CALCR: variants seen among roughly 807,000 people sequenced by gnomAD.
CALCR encodes calcitonin receptor.
Under a neutral mutation model 59.5 loss-of-function variants are expected in CALCR, and 47 were observed. The observed-to-expected ratio is 0.79, with a 90% confidence interval of 0.63 to 1.01. The LOEUF (loss-of-function observed/expected upper bound fraction) is 1.01. Among genes scored for constraint, CALCR ranks in the 50% least tolerant of loss-of-function variants. The probability of loss-of-function intolerance (pLI) is 0.00; values close to 1 mark genes in which losing one functional copy is unlikely to be tolerated. For missense variants in CALCR, 566 were observed against 597.1 expected (o/e 0.95, Z 0.54); for synonymous variants, 213 against 211.3 (o/e 1.01, Z -0.07).
chr7:93,500,374 T>C (rs17165500), intron 2 of CALCR, among the ~76,000 whole-genome samples: 19,218 of 151,884 alleles, frequency 0.13, 2,642 homozygotes, highest in African/African-American at 0.33. Context: ...GTGCTTAGAC[T>C]TGAATAAAAT....
At chr7:93,526,093 A>G (rs1801871437) in intron 2 of CALCR, among the ~76,000 whole-genome samples, 1 of 152,196 alleles carries the variant, frequency 6.6e-6, no homozygotes, top group South Asian at 2.1e-4. Flanking sequence ...TAGGAAGTCA[A>G]CATAAAGATT....
At chr7:93,484,614 T>C (rs1464382905) in intron 3 of CALCR, among the ~76,000 whole-genome samples, 1 of 151,814 alleles carries the variant, frequency 6.6e-6, no homozygotes, top group Non-Finnish European at 1.5e-5. Context: ...TTAGCCCTGG[T>C]TTTCCCAGGT....
intron 2 of CALCR, among the ~76,000 whole-genome samples, chr7:93,505,926 TA>T (rs910693553): frequency 2.6e-5 from 4 of 152,110 alleles, no homozygotes; most frequent in South Asian, 2.1e-4. Flanking sequence ...ATAATAAGAT[TA>T]GGGGCCCCAC....
intron 2 of CALCR, among the ~76,000 whole-genome samples, chr7:93,525,536 G>C (rs905847598): frequency 6.6e-6 from 1 of 152,160 alleles, no homozygotes; most frequent in Non-Finnish European, 1.5e-5. Flanking sequence ...CAGCAAAGGG[G>C]CCTTGAACTC....
intron 2 of CALCR, among the ~76,000 whole-genome samples, chr7:93,545,042 T>G (rs2116202305): frequency 6.6e-6 from 1 of 152,126 alleles, no homozygotes; most frequent in South Asian, 2.1e-4. Context: ...CTGCTTGGAC[T>G]TTTTCGTTAG....
At chr7:93,558,632 CT>C (rs944395980) in intron 2 of CALCR, among the ~76,000 whole-genome samples, 2 of 151,612 alleles carry the variant, frequency 1.3e-5, no homozygotes, top group Non-Finnish European at 2.9e-5. Flanking sequence ...ATAAAAAAAC[CT>C]TTTTTTTCTT....
At chr7:93,461,928 G>T in intron 7 of CALCR, 1 of 628,910 alleles carries the variant, frequency 1.6e-6, no homozygotes, top group Non-Finnish European at 2.8e-6. Flanking sequence ...CCATGTGAGA[G>T]CGTAAAACAT....
At chr7:93,499,805 G>A (rs929901202) in intron 2 of CALCR, among the ~76,000 whole-genome samples, 39 of 151,796 alleles carry the variant, frequency 2.6e-4, no homozygotes, top group African/African-American at 9.4e-4. Flanking sequence ...GTTGCCATAA[G>A]TTATAAACTC....
In CALCR at chr7:93,574,471, G is replaced by A. The variant is rs933970257; in HGVS notation, c.-209C>T. On this transcript the variant is annotated 5_prime_UTR_variant, in exon 2 of 14. Coordinates refer to ENST00000426151, the MANE Select transcript of CALCR (RefSeq NM_001742.4). ...ACCCGGGAAGGTCCGCCAGCCGCGCGGCGCAGCCCACCCAGACGCTGGTGG... is the reference window on the plus strand; with the variant it reads ...ACCCGGGAAGGTCCGCCAGCCGCGCAGCGCAGCCCACCCAGACGCTGGTGG... 6 of 152,154 alleles carry A rather than the reference G, an allele frequency of 3.9e-5. No individual in the cohort carries two copies. Among genetic ancestry groups the A allele is most frequent in the Admixed American group, 3.3e-4 (5 of 15,288 alleles). 9.4% of individuals were successfully genotyped at this position (152,154 alleles called of 1,614,324 possible).
intron 2 of CALCR, among the ~76,000 whole-genome samples, chr7:93,557,899 T>G (rs923321869): frequency 2.0e-5 from 3 of 152,008 alleles, no homozygotes; most frequent in Non-Finnish European, 4.4e-5. Flanking sequence ...TTTAGCTATT[T>G]CAGCTTCATG....
chr7:93,443,748 T>C lies in CALCR; in HGVS notation c.658A>G (p.Lys220Glu). The change falls in exon 9 of 14, where the codon AAG becomes GAG. Residue 220 changes from lysine (K) to glutamate (E), a missense_variant. Coordinates refer to ENST00000426151, the MANE Select transcript of CALCR (RefSeq NM_001742.4). ...TACTGGTGGAAAAAATGCAAAATCTTGCAGCTCACCTGTCAGAAAGAAAGG... is the reference window on the plus strand; with the variant it reads ...TACTGGTGGAAAAAATGCAAAATCTCGCAGCTCACCTGTCAGAAAGAAAGG... ...ELVRRDPVSC[K>E]ILHFFHQYMM... is the part of the protein sequence containing the mutation. The C allele has an allele frequency of 6.2e-7, 1 of 1,612,722 alleles. No individual in the cohort carries two copies. The highest frequency in any genetic ancestry group is 2.2e-5 in the East Asian group (1 of 44,836).
intron 5 of CALCR, among the ~76,000 whole-genome samples, chr7:93,475,774 A>AGAC (rs1230052173): frequency 1.3e-5 from 2 of 151,810 alleles, no homozygotes; most frequent in Non-Finnish European, 2.9e-5. Context: ...TCACCTGATG[A>AGAC]GTCTTTCAAT....
chr7:93,471,617 G>C (rs943735727), intron 6 of CALCR, among the ~76,000 whole-genome samples: 1 of 151,758 alleles, frequency 6.6e-6, no homozygotes, highest in African/African-American at 2.4e-5. Flanking sequence ...GTTTATGTTA[G>C]AGTCAGCAGG....
chr7:93,495,971 T>A (rs1307017210), intron 2 of CALCR: 2 of 1,483,238 alleles, frequency 1.3e-6, no homozygotes, highest in Non-Finnish European at 1.8e-6. Context: ...GGGAATCATT[T>A]ATTCTGTGAA....
intron 2 of CALCR, among the ~76,000 whole-genome samples, chr7:93,516,788 T>C (rs1308169261): frequency 6.6e-6 from 1 of 151,908 alleles, no homozygotes; most frequent in East Asian, 1.9e-4. Context: ...TAAAAAGTAA[T>C]AATGGAGTGT....
At chr7:93,485,394 T>G (rs2115923172) in intron 3 of CALCR, among the ~76,000 whole-genome samples, 1 of 151,838 alleles carries the variant, frequency 6.6e-6, no homozygotes, top group Middle Eastern at 3.4e-3. Context: ...CTACGTTGCT[T>G]TTTGAACACA....
At chr7:93,461,794 T>C (rs1562983229) in intron 7 of CALCR, among the ~76,000 whole-genome samples, 1 of 152,204 alleles carries the variant, frequency 6.6e-6, no homozygotes, top group Non-Finnish European at 1.5e-5. Context: ...TATTTCATTT[T>C]TTGATGCAAT....
intron 2 of CALCR, among the ~76,000 whole-genome samples, chr7:93,571,677 A>G (rs1790008687): frequency 6.6e-6 from 1 of 152,166 alleles, no homozygotes; most frequent in Non-Finnish European, 1.5e-5. Context: ...AATGTAATCC[A>G]TCATTGAACT....
At chr7:93,547,333 TG>T in intron 2 of CALCR, among the ~76,000 whole-genome samples, 1 of 152,320 alleles carries the variant, frequency 6.6e-6, no homozygotes, top group East Asian at 1.9e-4. Context: ...CAGAAAACTT[TG>T]GGGGATATAT....
Sources: gnomAD v4.1 joint callset for allele counts (sites outside exome capture counted in the v4.1 genomes callset) on GRCh38, gnomAD v4.1.1 for gene constraint, MANE v1.5 for transcripts, NCBI Gene and HGNC (gene_info 2026-07-23, HGNC 2026-07-21) for gene names.